The following SMC6 variants were observed in gnomAD, a reference collection of about 807,000 sequenced individuals.
SMC6 encodes structural maintenance of chromosomes protein 6.
A neutral mutation model predicts 142.2 loss-of-function variants in SMC6; 79 were observed. The observed-to-expected ratio is 0.56, with a 90% CI of 0.46 to 0.67. SMC6 has a LOEUF of 0.67. Among genes scored for constraint, SMC6 ranks in the 30% least tolerant of loss-of-function variants. The pLI is 0.00. For synonymous variants in SMC6, 411 were observed against 412.4 expected, an observed-to-expected ratio of 1.00 and a Z score of 0.04; for missense variants, 1,072 against 1,284.0, an observed-to-expected ratio of 0.83 and a Z score of 2.52.
intron 18 of SMC6, among the ~76,000 whole-genome samples, chr2:17,706,199 A>G (rs1008057005): frequency 6.6e-6 from 1 of 152,174 alleles, no homozygotes; most frequent in African/African-American, 2.4e-5. Flanking sequence ...ATGTTATAGC[A>G]TTTTAACAAT....
chr2:17,692,021 G>A (rs982776908), intron 23 of SMC6, among the ~76,000 whole-genome samples: 1 of 152,146 alleles, frequency 6.6e-6, no homozygotes, highest in Non-Finnish European at 1.5e-5. Flanking sequence ...CCTCTTCAAG[G>A]AGAACCACAA....
chr2:17,674,701 T>C (rs1430709515), intron 25 of SMC6, among the ~76,000 whole-genome samples: 1 of 152,168 alleles, frequency 6.6e-6, no homozygotes, highest in East Asian at 1.9e-4. Flanking sequence ...TTTATGTATT[T>C]TGAAGCTATG....
chr2:17,745,444 G>T (rs1355794198), intron 3 of SMC6, among the ~76,000 whole-genome samples: 1 of 152,108 alleles, frequency 6.6e-6, no homozygotes, highest in Non-Finnish European at 1.5e-5. Flanking sequence ...TTTGAGGATT[G>T]GTCCACTTCA....
chr2:17,748,449 TA>T (rs1477386046), intron 2 of SMC6, among the ~76,000 whole-genome samples: 7 of 152,230 alleles, frequency 4.6e-5, no homozygotes, highest in Admixed American at 1.3e-4. Context: ...ATATTTAACC[TA>T]AACAAATGCC....
chr2:17,712,983 T>C (rs1378565261), intron 16 of SMC6, among the ~76,000 whole-genome samples: 4 of 152,218 alleles, frequency 2.6e-5, no homozygotes, highest in Non-Finnish European at 5.9e-5. Context: ...CCATTCAACT[T>C]GAATTTCTCA....
intron 18 of SMC6, among the ~76,000 whole-genome samples, chr2:17,705,168 A>C (rs890034087): frequency 4.0e-5 from 6 of 151,868 alleles, no homozygotes; most frequent in Non-Finnish European, 8.8e-5. Context: ...TGAGGCAGGA[A>C]AATAGCTTGA....
At chr2:17,666,358 TA>T in intron 27 of SMC6, 61 bp downstream of exon 27, 1 of 1,207,702 alleles carries the variant, frequency 8.3e-7, no homozygotes, top group South Asian at 1.3e-5. Flanking sequence ...ATTAAAATTG[TA>T]AAAGATTTCT....
In SMC6 at chr2:17,742,276, T is replaced by C. The variant is rs755712888; in HGVS notation, c.121-547A>G. On this transcript the variant is annotated intron_variant, in intron 3 of 27. Transcript: ENST00000448223. The stretch of plus-strand genomic sequence containing the variant: ...TGCATTCAACACTGAATTCACTATC[T>C]GACATTCACTATTTCAATTCAGAGA... Among the ~76,000 whole-genome samples, 69 of 152,210 alleles carry C rather than the reference T, an allele frequency of 4.5e-4. 1 individual carries two copies. Among genetic ancestry groups the C allele is most frequent in the Admixed American group, 4.6e-4 (7 of 15,278 alleles).
intron 2 of SMC6, among the ~76,000 whole-genome samples, chr2:17,747,142 C>T (rs559558018): frequency 4.3e-4 from 66 of 152,236 alleles, no homozygotes; most frequent in Non-Finnish European, 6.8e-4. Context: ...GCCTAGATTT[C>T]CACCCATACA....
intron 12 of SMC6, 146 bp from the exon 13 acceptor site, chr2:17,717,322 A>G (rs1045556514): frequency 5.5e-6 from 3 of 546,972 alleles, no homozygotes; most frequent in African/African-American, 3.9e-5. Flanking sequence ...AAACCATTAC[A>G]TTTTTTAAAA....
chr2:17,746,070 T>C (rs1028813087), intron 2 of SMC6, 119 bp from the exon 3 acceptor site: 26 of 1,025,356 alleles, frequency 2.5e-5, no homozygotes, highest in Non-Finnish European at 3.3e-5. Flanking sequence ...ATTTTTACCT[T>C]AAAAATTAAA....
At chr2:17,720,543 T>C (rs1669317351) in intron 11 of SMC6, among the ~76,000 whole-genome samples, 1 of 152,230 alleles carries the variant, frequency 6.6e-6, no homozygotes, top group Non-Finnish European at 1.5e-5. Context: ...TTCTCATACT[T>C]TCTGATACTT....
At chr2:17,738,200 T>A in intron 5 of SMC6, 21 bp downstream of exon 5, 1 of 1,534,212 alleles carries the variant, frequency 6.5e-7, no homozygotes, top group Non-Finnish European at 9.0e-7. Context: ...TGAAAATAGA[T>A]GGTAGAAAGC....
At position 17,718,081 on chromosome 2, in the gene SMC6, G is replaced by A; in HGVS notation, c.1088C>T (p.Ala363Val). The stretch of plus-strand genomic sequence containing the variant: ...AGTTTAGAAAATTTATCTCACCTCA[G>A]CTTCATTATAGGCCCTTTTCTTAGC... ...VVAKKRAYNE[A>V]EVLYNRSLNE... The change falls in exon 12 of 28, where the codon GCT (alanine) becomes GTT (valine). Residue 363 changes from alanine (A) to valine (V), a missense_variant. Coordinates refer to ENST00000448223, the MANE Select transcript of SMC6 (RefSeq NM_001142286.2). 3 of 1,603,286 alleles carry A rather than the reference G, an allele frequency of 1.9e-6. No homozygotes were observed. Among genetic ancestry groups the A allele is most frequent in the Non-Finnish European group, 1.7e-6 (2 of 1,175,236 alleles).
intron 2 of SMC6, among the ~76,000 whole-genome samples, chr2:17,748,936 GATGTTTTTTATTTGCTGAGA>G (rs1670884837): frequency 6.6e-6 from 1 of 152,178 alleles, no homozygotes; most frequent in Non-Finnish European, 1.5e-5. Context: ...ACGTGATGAC[GATGTTTTTTATTTGCTGAGA>G]ATGTTTTTTA....
chr2:17,690,167 T>C (rs1199795946), intron 23 of SMC6, among the ~76,000 whole-genome samples: 1 of 152,240 alleles, frequency 6.6e-6, no homozygotes, highest in African/African-American at 2.4e-5. Flanking sequence ...TAGCAGACCA[T>C]GGAATTAAAA....
chr2:17,673,229 T>A (rs1666848036), intron 25 of SMC6, among the ~76,000 whole-genome samples: 1 of 152,242 alleles, frequency 6.6e-6, no homozygotes, highest in Admixed American at 6.5e-5. Context: ...TTTTGACTAT[T>A]TTAAATGTGA....
At chr2:17,751,404 C>T (rs1315859545) in intron 2 of SMC6, among the ~76,000 whole-genome samples, 3 of 150,140 alleles carry the variant, frequency 2.0e-5, no homozygotes, top group Non-Finnish European at 3.0e-5. Flanking sequence ...CGCTTGAACC[C>T]GGGAGGCAGG....
chr2:17,716,422 G>A (rs1196640358), intron 14 of SMC6, among the ~76,000 whole-genome samples, 158 bp from the exon 15 acceptor site: 2 of 152,034 alleles, frequency 1.3e-5, no homozygotes, highest in African/African-American at 4.8e-5. Flanking sequence ...TGTTACCAGA[G>A]AAAAACAGTC....
Sources: allele counts gnomAD v4.1 joint callset (sites outside exome capture counted in the v4.1 genomes callset), GRCh38; gene constraint gnomAD v4.1.1; transcripts MANE v1.5; gene names NCBI Gene and HGNC (gene_info 2026-07-23, HGNC 2026-07-21).